The following FAM168A variants were observed in gnomAD, a reference collection of about 807,000 sequenced individuals.
The protein encoded by FAM168A is family with sequence similarity 168 member A.
A neutral mutation model predicts 28.5 loss-of-function variants in FAM168A; 3 were observed. The ratio of observed to expected loss-of-function variants is 0.11; its 90% CI spans 0.05 to 0.27. The LOEUF is 0.27. Among genes scored for constraint, FAM168A ranks in the 10% least tolerant of loss-of-function variants. The pLI, the probability that FAM168A is intolerant of heterozygous loss-of-function variation, is 1.00. For missense variants in FAM168A, 222 were observed against 311.5 expected (o/e 0.71, Z 2.16); for synonymous variants, 122 against 124.2 (o/e 0.98, Z 0.12).
Position 73,488,019 on chromosome 11 carries a change from T to C in FAM168A, c.-18-19527A>G, listed in dbSNP as rs1296685153. ...CAACCCTGGTTAAATTCAGTCACCG[T>C]CTACTCTCTGCCAACACTGGTATAG... On this transcript the variant is annotated intron_variant, in intron 1 of 7. Coordinates refer to ENST00000356467, the MANE Select transcript of FAM168A (RefSeq NM_015159.3). Among the ~76,000 whole-genome samples, 3 of 152,196 alleles carry C rather than the reference T, an allele frequency of 2.0e-5. No individual in the cohort carries two copies. In the East Asian group the frequency reaches 5.8e-4, roughly 29 times the overall value.
chr11:73,524,459 T>A (rs1229875540), intron 1 of FAM168A, among the ~76,000 whole-genome samples: 1 of 151,950 alleles, frequency 6.6e-6, no homozygotes, highest in Non-Finnish European at 1.5e-5. Flanking sequence ...AAATTAATAT[T>A]CTTAAATTTA....
chr11:73,448,711 C>A (rs117765360), intron 2 of FAM168A, among the ~76,000 whole-genome samples: 179 of 152,270 alleles, frequency 1.2e-3, no homozygotes, highest in Middle Eastern at 6.8e-3. Flanking sequence ...AGACATTACT[C>A]GTGTTCCTCT....
chr11:73,416,790 A>T (rs559037155), intron 4 of FAM168A, among the ~76,000 whole-genome samples: 14 of 152,220 alleles, frequency 9.2e-5, no homozygotes, highest in South Asian at 2.1e-4. Flanking sequence ...ACAAAAAATT[A>T]AAAAAATTAG....
At chr11:73,434,424 A>T (rs771899001) in intron 2 of FAM168A, among the ~76,000 whole-genome samples, 15 of 152,250 alleles carry the variant, frequency 9.9e-5, no homozygotes, top group Non-Finnish European at 2.2e-4. Context: ...AATCAAAGTA[A>T]GACATATTGA....
At chr11:73,515,537 ACTAT>A (rs1228109176) in intron 1 of FAM168A, among the ~76,000 whole-genome samples, 2 of 151,436 alleles carry the variant, frequency 1.3e-5, no homozygotes, top group African/African-American at 2.4e-5. Context: ...AAAAGAAACA[ACTAT>A]CTATTAATTA....
chr11:73,565,908 A>T (rs184418136), intron 1 of FAM168A, among the ~76,000 whole-genome samples: 1 of 152,318 alleles, frequency 6.6e-6, no homozygotes, highest in Admixed American at 6.5e-5. Context: ...ATGGAGGAAA[A>T]CTTCCACAAG....
chr11:73,523,755 C>T (rs1943414950), intron 1 of FAM168A, among the ~76,000 whole-genome samples: 1 of 152,014 alleles, frequency 6.6e-6, no homozygotes, highest in Non-Finnish European at 1.5e-5. Flanking sequence ...AGCCCCTCTT[C>T]CTTTTCTATC....
chr11:73,578,927 A>C (rs1041890136), intron 1 of FAM168A, among the ~76,000 whole-genome samples: 5 of 152,336 alleles, frequency 3.3e-5, no homozygotes. Context: ...TGCTGTGTAC[A>C]TAACAGAATA....
chr11:73,514,914 G>C (rs1229573202), intron 1 of FAM168A, among the ~76,000 whole-genome samples: 1 of 151,676 alleles, frequency 6.6e-6, no homozygotes, highest in Non-Finnish European at 1.5e-5. Flanking sequence ...TCTTCACAAG[G>C]GTCCAGGAAA....
At chr11:73,578,180 G>T (rs59043881) in intron 1 of FAM168A, among the ~76,000 whole-genome samples, 2 of 152,280 alleles carry the variant, frequency 1.3e-5, no homozygotes, top group Middle Eastern at 3.4e-3. Flanking sequence ...TTTCACAGAC[G>T]ATCAAACTAC....
chr11:73,457,231 T>TA (rs1371612653), intron 2 of FAM168A, among the ~76,000 whole-genome samples: 1 of 151,468 alleles, frequency 6.6e-6, no homozygotes, highest in South Asian at 2.1e-4. Context: ...TTAATTTTTT[T>TA]TTTTTAAATT....
At chr11:73,438,692 G>A (rs553300880) in intron 2 of FAM168A, among the ~76,000 whole-genome samples, 2 of 152,188 alleles carry the variant, frequency 1.3e-5, no homozygotes, top group Admixed American at 6.5e-5. Context: ...CTACTCTGGC[G>A]GCAGAATGAA....
At chr11:73,534,788 A>G (rs1943557039) in intron 1 of FAM168A, among the ~76,000 whole-genome samples, 1 of 152,240 alleles carries the variant, frequency 6.6e-6, no homozygotes, top group African/African-American at 2.4e-5. Flanking sequence ...GTTAAAGACC[A>G]AGATTGCCTC....
At position 73,428,576 on chromosome 11, in the gene FAM168A, A is replaced by G. The variant is rs1485804709; in HGVS notation, c.151+2114T>C. Among the ~76,000 whole-genome samples, 4 of 152,220 alleles carry G rather than the reference A, an allele frequency of 2.6e-5. No homozygotes were observed. In the East Asian group the frequency reaches 7.7e-4, roughly 29 times the overall value. On this transcript the variant is annotated intron_variant, in intron 3 of 7. Transcript: ENST00000356467. ...CATTTTGTTTCTAGACAGTTTACAAAGTCAATTCACAGATCTCATAGCACT... is the reference window on the plus strand; with the variant it reads ...CATTTTGTTTCTAGACAGTTTACAAGGTCAATTCACAGATCTCATAGCACT...
chr11:73,540,381 T>C (rs1943638567), intron 1 of FAM168A, among the ~76,000 whole-genome samples: 1 of 152,146 alleles, frequency 6.6e-6, no homozygotes, highest in African/African-American at 2.4e-5. Context: ...ATAAGAAACT[T>C]AAAGTTCCAA....
intron 1 of FAM168A, among the ~76,000 whole-genome samples, chr11:73,532,158 A>G (rs1255094903): frequency 6.6e-6 from 1 of 151,588 alleles, no homozygotes; most frequent in African/African-American, 2.4e-5. Flanking sequence ...CATTCCCTGC[A>G]CCCTTGATCT....
At chr11:73,435,392 G>A (rs763388837) in intron 2 of FAM168A, among the ~76,000 whole-genome samples, 1 of 152,228 alleles carries the variant, frequency 6.6e-6, no homozygotes, top group Non-Finnish European at 1.5e-5. Context: ...TGTCATTTCA[G>A]ATGTCTTTCA....
intron 1 of FAM168A, among the ~76,000 whole-genome samples, chr11:73,469,063 G>A (rs1014271401): frequency 1.3e-5 from 2 of 152,126 alleles, no homozygotes; most frequent in African/African-American, 4.8e-5. Flanking sequence ...ACAGAAAAGG[G>A]AATTTGTTGC....
chr11:73,508,114 G>T (rs1357914801), intron 1 of FAM168A, among the ~76,000 whole-genome samples: 1 of 152,112 alleles, frequency 6.6e-6, no homozygotes, highest in African/African-American at 2.4e-5. Flanking sequence ...TTTTACAGCT[G>T]ATGTAAGAGT....
Sources: gnomAD v4.1 joint callset for allele counts (sites outside exome capture counted in the v4.1 genomes callset) on GRCh38, gnomAD v4.1.1 for gene constraint, MANE v1.5 for transcripts, NCBI Gene and HGNC (gene_info 2026-07-23, HGNC 2026-07-21) for gene names.